The following DLG2 variants were observed in gnomAD, a reference collection of about 807,000 sequenced individuals.
DLG2 encodes the protein discs large MAGUK scaffold protein 2.
DLG2 carries 45 observed loss-of-function variants against 132.5 expected under a neutral mutation model. The ratio of observed to expected loss-of-function variants is 0.34; its 90% CI spans 0.27 to 0.44. The LOEUF (loss-of-function observed/expected upper bound fraction) is 0.44. DLG2 is among the 20% of genes least tolerant of loss of function. The probability of loss-of-function intolerance (pLI) is 1.00; values close to 1 mark genes in which losing one functional copy is unlikely to be tolerated. For synonymous variants in DLG2, 424 were observed against 419.6 expected, an observed-to-expected ratio of 1.01 and a Z score of -0.13; for missense variants, 1,045 against 1,196.9, an observed-to-expected ratio of 0.87 and a Z score of 1.87.
chr11:84,272,786 T>A (rs1265258105), intron 7 of DLG2, among the ~76,000 whole-genome samples: 2 of 152,172 alleles, frequency 1.3e-5, no homozygotes, highest in Non-Finnish European at 2.9e-5. Context: ...GCAAAAGATA[T>A]TCAAGTAGCT....
At chr11:84,167,192 T>C (rs2095688118) in intron 8 of DLG2, among the ~76,000 whole-genome samples, 1 of 152,200 alleles carries the variant, frequency 6.6e-6, no homozygotes. Context: ...AACTTTATGG[T>C]TCTGTGGTGA....
intron 6 of DLG2, among the ~76,000 whole-genome samples, chr11:84,922,054 G>C (rs527723001): frequency 1.3e-5 from 2 of 151,970 alleles, no homozygotes; most frequent in South Asian, 2.1e-4. Flanking sequence ...GCTTACAAAA[G>C]AGTGAGCAGC....
At chr11:83,584,387 G>C (rs892203215) in intron 19 of DLG2, among the ~76,000 whole-genome samples, 1 of 152,110 alleles carries the variant, frequency 6.6e-6, no homozygotes, top group East Asian at 1.9e-4. Flanking sequence ...CATAAGTGAG[G>C]GATTACTCTA....
chr11:85,201,286 G>T (rs545043934), intron 4 of DLG2, among the ~76,000 whole-genome samples: 2 of 152,292 alleles, frequency 1.3e-5, no homozygotes, highest in East Asian at 3.9e-4. Flanking sequence ...CAATGAAACA[G>T]TCTCACCAAT....
chr11:83,775,804 G>A (rs1023013396), intron 18 of DLG2, among the ~76,000 whole-genome samples: 1 of 150,886 alleles, frequency 6.6e-6, no homozygotes, highest in African/African-American at 2.4e-5. Flanking sequence ...GGAATATAAA[G>A]ATGAATAGCC....
intron 7 of DLG2, among the ~76,000 whole-genome samples, chr11:84,425,208 T>C (rs928993316): frequency 1.3e-5 from 2 of 152,106 alleles, no homozygotes; most frequent in Admixed American, 6.5e-5. Flanking sequence ...CTGCAGATGA[T>C]TTATTTACCT....
chr11:84,415,445 T>C (rs1267397752), intron 7 of DLG2, among the ~76,000 whole-genome samples: 1 of 152,220 alleles, frequency 6.6e-6, no homozygotes, highest in African/African-American at 2.4e-5. Flanking sequence ...TTTCTATTCA[T>C]CTTATATAAT....
chr11:83,791,200 G>C, intron 17 of DLG2: 1 of 637,396 alleles, frequency 1.6e-6, no homozygotes, highest in Non-Finnish European at 2.8e-6. Context: ...GGAGGGAGGT[G>C]GCCTTATCGG....
At chr11:84,160,087 A>G (rs1223264732) in intron 9 of DLG2, among the ~76,000 whole-genome samples, 1 of 152,174 alleles carries the variant, frequency 6.6e-6, no homozygotes, top group Admixed American at 6.5e-5. Flanking sequence ...TTAGACATAT[A>G]CATTTGAAGT....
chr11:84,260,847 AC>A (rs1313948911), intron 7 of DLG2, among the ~76,000 whole-genome samples: 1 of 152,192 alleles, frequency 6.6e-6, no homozygotes, highest in Non-Finnish European at 1.5e-5. Context: ...ACTGACTCAC[AC>A]CGAGCTTTTA....
At chr11:85,308,252 A>G (rs1489458881) in intron 3 of DLG2, among the ~76,000 whole-genome samples, 1 of 151,406 alleles carries the variant, frequency 6.6e-6, no homozygotes, top group East Asian at 1.9e-4. Flanking sequence ...TAATTTAAAG[A>G]AAAAATTAAG....
chr11:83,582,667 C>T (rs1401015662), intron 19 of DLG2, among the ~76,000 whole-genome samples: 1 of 152,042 alleles, frequency 6.6e-6, no homozygotes, highest in Non-Finnish European at 1.5e-5. Flanking sequence ...CTGCTATAGG[C>T]CTTAGTAGAT....
chr11:83,536,386 T>C, intron 20 of DLG2, among the ~76,000 whole-genome samples: 1 of 152,170 alleles, frequency 6.6e-6, no homozygotes. Flanking sequence ...AGGCTTGCAG[T>C]ACTGCTTCTT....
chr11:85,495,227 G>C (rs997635017), intron 3 of DLG2, among the ~76,000 whole-genome samples: 1 of 152,156 alleles, frequency 6.6e-6, no homozygotes, highest in Non-Finnish European at 1.5e-5. Flanking sequence ...CACTGCTCTT[G>C]AATGTTTAAG....
intron 10 of DLG2, among the ~76,000 whole-genome samples, chr11:84,088,600 T>A (rs1253192317): frequency 6.6e-6 from 1 of 152,184 alleles, no homozygotes; most frequent in Non-Finnish European, 1.5e-5. Context: ...AATACTAAAT[T>A]GTTGGGGACT....
At chr11:85,331,578 T>C (rs770510572) in intron 3 of DLG2, among the ~76,000 whole-genome samples, 2 of 152,166 alleles carry the variant, frequency 1.3e-5, no homozygotes, top group Non-Finnish European at 1.5e-5. Flanking sequence ...GTAGTAAGCA[T>C]AGTGCCTGAT....
intron 21 of DLG2, among the ~76,000 whole-genome samples, chr11:83,485,965 T>TAA (rs1445457677): frequency 3.9e-5 from 6 of 152,120 alleles, no homozygotes; most frequent in Non-Finnish European, 5.9e-5. Flanking sequence ...AAATAATTAA[T>TAA]AATTTCTGAA....
chr11:85,264,039 T>C (rs1037927006), intron 4 of DLG2, among the ~76,000 whole-genome samples: 1 of 151,450 alleles, frequency 6.6e-6, no homozygotes, highest in Non-Finnish European at 1.5e-5. Context: ...GTCGTGCTGC[T>C]AGGGTTATGT....
intron 6 of DLG2, among the ~76,000 whole-genome samples, chr11:85,080,413 G>A (rs990338721): frequency 6.6e-6 from 1 of 152,090 alleles, no homozygotes; most frequent in Non-Finnish European, 1.5e-5. Context: ...GAAAACTCAT[G>A]GGTAGCTAAA....
Sources: allele counts gnomAD v4.1 joint callset (sites outside exome capture counted in the v4.1 genomes callset), GRCh38; gene constraint gnomAD v4.1.1; transcripts MANE v1.5; gene names NCBI Gene and HGNC (gene_info 2026-07-23, HGNC 2026-07-21).